Variants in USP12 observed in about 807,000 individuals in gnomAD.
USP12 encodes ubiquitin carboxyl-terminal hydrolase 12.
Under a neutral mutation model 45.5 loss-of-function variants are expected in USP12, and 19 were observed. The observed-to-expected ratio is 0.42, with a 90% CI of 0.29 to 0.61. The LOEUF is 0.61. USP12 is among the 20% of genes least tolerant of loss of function. The pLI, the probability that USP12 is intolerant of heterozygous loss-of-function variation, is 0.22. For missense variants in USP12, 242 were observed against 447.7 expected (o/e 0.54, Z 4.15); for synonymous variants, 149 against 148.8 (o/e 1.00, Z -0.01).
chr13:27,101,304 G>T (rs1274815647), intron 3 of USP12, among the ~76,000 whole-genome samples: 2 of 152,210 alleles, frequency 1.3e-5, no homozygotes, highest in East Asian at 3.8e-4. Context: ...ACTGATGAAT[G>T]ACCTCAGGAC....
intron 2 of USP12, among the ~76,000 whole-genome samples, chr13:27,108,645 A>G (rs1488179349): frequency 6.6e-6 from 1 of 152,236 alleles, no homozygotes; most frequent in Non-Finnish European, 1.5e-5. Context: ...CCAACTATAC[A>G]AAAATTCATA....
At chr13:27,118,055 A>G (rs1875823500) in intron 1 of USP12, among the ~76,000 whole-genome samples, 1 of 150,542 alleles carries the variant, frequency 6.6e-6, no homozygotes, top group African/African-American at 2.5e-5. Flanking sequence ...AAATATCAAA[A>G]TGTCACAGTG....
chr13:27,136,210 TA>T, intron 1 of USP12, among the ~76,000 whole-genome samples: 1 of 152,260 alleles, frequency 6.6e-6, no homozygotes, highest in Non-Finnish European at 1.5e-5. Context: ...CAGACCTTAA[TA>T]AAGACCCTTG....
At position 27,084,520 on chromosome 13, in the gene USP12, G is replaced by A. The variant is rs964955082; in HGVS notation, c.734+5363C>T. 6.8e-5 allele frequency among the ~76,000 whole-genome samples: 10 copies of A among 146,660 alleles called. No homozygotes were observed. The South Asian group carries it at 2.2e-3, about 32-fold the overall frequency. ...ATGAAAAAAAAAAAAAAAAAAAAGA[G>A]TTCTATAGTTTTAGGTCTTAAATCC... On this transcript the variant is annotated intron_variant, in intron 6 of 8. Coordinates refer to ENST00000282344, the MANE Select transcript of USP12 (RefSeq NM_182488.4).
chr13:27,123,853 C>A (rs1181156018), intron 1 of USP12, among the ~76,000 whole-genome samples: 4 of 152,148 alleles, frequency 2.6e-5, no homozygotes, highest in Non-Finnish European at 5.9e-5. Flanking sequence ...TGGACTAATA[C>A]ATAGGCAATG....
At chr13:27,121,588 G>A (rs551628290) in intron 1 of USP12, among the ~76,000 whole-genome samples, 15 of 152,244 alleles carry the variant, frequency 9.9e-5, no homozygotes, top group East Asian at 1.9e-4. Context: ...TAAGGCAGGC[G>A]TGGTGGCTCA....
intron 1 of USP12, among the ~76,000 whole-genome samples, chr13:27,125,512 C>T (rs1876186023): frequency 6.6e-6 from 1 of 152,144 alleles, no homozygotes; most frequent in African/African-American, 2.4e-5. Context: ...ATAGGAACAG[C>T]TCCGGTCTAC....
intron 1 of USP12, among the ~76,000 whole-genome samples, chr13:27,122,016 T>C (rs182268914): frequency 3.4e-4 from 52 of 151,804 alleles, no homozygotes; most frequent in African/African-American, 1.2e-3. Flanking sequence ...AATATAAAAG[T>C]TGGAAAAGCT....
intron 2 of USP12, 49 bp from the exon 3 acceptor site, chr13:27,105,993 C>T: frequency 1.3e-6 from 2 of 1,497,260 alleles, no homozygotes; most frequent in Non-Finnish European, 1.8e-6. Context: ...AACACATTTT[C>T]AAGAGAGAAA....
intron 3 of USP12, among the ~76,000 whole-genome samples, chr13:27,097,108 G>GA (rs1169667236): frequency 2.9e-5 from 4 of 139,354 alleles, no homozygotes; most frequent in East Asian, 2.1e-4. Flanking sequence ...CAATTTATAA[G>GA]AAAAAAACAA....
chr13:27,122,192 T>C (rs1014595009), intron 1 of USP12, among the ~76,000 whole-genome samples: 3 of 152,186 alleles, frequency 2.0e-5, no homozygotes, highest in African/African-American at 7.2e-5. Flanking sequence ...AATCTCACCT[T>C]GAACTGTACT....
intron 4 of USP12, 143 bp from the exon 5 acceptor site, chr13:27,090,301 G>T: frequency 1.6e-6 from 1 of 616,446 alleles, no homozygotes; most frequent in Non-Finnish European, 2.7e-6. Flanking sequence ...TACTTAATTT[G>T]GATTATCCAA....
At chr13:27,149,013 T>C (rs1377275231) in intron 1 of USP12, among the ~76,000 whole-genome samples, 2 of 151,796 alleles carry the variant, frequency 1.3e-5, no homozygotes, top group Non-Finnish European at 1.5e-5. Context: ...TGAGAACCCA[T>C]CTCCACCAAA....
intron 1 of USP12, among the ~76,000 whole-genome samples, chr13:27,131,865 A>G (rs1223977862): frequency 6.6e-6 from 1 of 152,160 alleles, no homozygotes; most frequent in Admixed American, 6.5e-5. Flanking sequence ...ACTTTAAATA[A>G]TATATTGCAT....
chr13:27,085,301 C>T (rs895650732), intron 6 of USP12, among the ~76,000 whole-genome samples: 2 of 152,068 alleles, frequency 1.3e-5, no homozygotes, highest in Non-Finnish European at 2.9e-5. Flanking sequence ...TTGCCTTAGC[C>T]TCCAGAGTAG....
At chr13:27,117,481 G>C (rs576566828) in intron 1 of USP12, among the ~76,000 whole-genome samples, 1 of 143,868 alleles carries the variant, frequency 7.0e-6, no homozygotes, top group African/African-American at 2.6e-5. Flanking sequence ...TAGGGAAATA[G>C]ATACATAAAA....
intron 1 of USP12, among the ~76,000 whole-genome samples, chr13:27,142,076 C>A (rs1189614627): frequency 6.6e-6 from 1 of 152,250 alleles, no homozygotes; most frequent in Non-Finnish European, 1.5e-5. Flanking sequence ...GAGCTGAGAT[C>A]GTGCCACTAC....
At chr13:27,123,772 G>T (rs1282518471) in intron 1 of USP12, among the ~76,000 whole-genome samples, 1 of 152,214 alleles carries the variant, frequency 6.6e-6, no homozygotes, top group African/African-American at 2.4e-5. Flanking sequence ...ATGTGGAAAT[G>T]AGAGTCCATT....
At chr13:27,158,318 G>A (rs535274454) in intron 1 of USP12, among the ~76,000 whole-genome samples, 1 of 152,332 alleles carries the variant, frequency 6.6e-6, no homozygotes, top group Non-Finnish European at 1.5e-5. Flanking sequence ...GAAAATGGAA[G>A]AGAGTCTCCT....
Sources: allele counts gnomAD v4.1 joint callset (sites outside exome capture counted in the v4.1 genomes callset), GRCh38; gene constraint gnomAD v4.1.1; transcripts MANE v1.5; gene names NCBI Gene and HGNC (gene_info 2026-07-23, HGNC 2026-07-21).